The following ERBB4 variants were observed in gnomAD, a reference collection of about 807,000 sequenced individuals.
ERBB4 encodes receptor tyrosine-protein kinase erbB-4.
ERBB4 carries 42 observed loss-of-function variants against 158.0 expected under a neutral mutation model. That is an observed-to-expected ratio of 0.27 (90% CI 0.21 to 0.34). The LOEUF is 0.34. Ranked by LOEUF, ERBB4 falls within the 10% of genes least tolerant of loss-of-function variation. The pLI is 1.00. For synonymous variants in ERBB4, 583 were observed against 558.7 expected (o/e 1.04, Z -0.61); for missense variants, 1,333 against 1,624.1 (o/e 0.82, Z 3.08).
intron 2 of ERBB4, among the ~76,000 whole-genome samples, chr2:212,107,084 C>T (rs1405554124): frequency 6.6e-6 from 1 of 152,198 alleles, no homozygotes; most frequent in Admixed American, 6.5e-5. Flanking sequence ...TGGGGTGCTG[C>T]CTAGTTATGA....
intron 1 of ERBB4, among the ~76,000 whole-genome samples, chr2:212,140,362 T>C (rs554342123): frequency 1.7e-5 from 2 of 120,670 alleles, no homozygotes; most frequent in African/African-American, 9.7e-5. Context: ...ATATAATATA[T>C]ATAGTAATAT....
At position 211,376,198 on chromosome 2, in the gene ERBB4, C is replaced by G. The variant is rs1176426437; in HGVS notation, c.*7417G>C. On this transcript the variant is annotated 3_prime_UTR_variant, in exon 28 of 28. Coordinates refer to ENST00000342788, the MANE Select transcript of ERBB4 (RefSeq NM_005235.3). ...AAGCGAGTGCAGAGGTTGAACACAT[C>G]ACAATAGTGCTGAACACAGAATCAC... 4.3e-6 allele frequency: 1 copy of G among 233,008 alleles called. No individual in the cohort carries two copies. Among genetic ancestry groups the G allele is most frequent in the Non-Finnish European group, 8.5e-6 (1 of 117,746 alleles). 14.4% of individuals were successfully genotyped at this position (233,008 alleles called of 1,614,324 possible). A position where few individuals can be genotyped will look rare whatever the true frequency, so the allele number is the denominator to read the frequency against.
At chr2:211,686,427 C>A (rs1049497606) in intron 12 of ERBB4, among the ~76,000 whole-genome samples, 1 of 152,074 alleles carries the variant, frequency 6.6e-6, no homozygotes. Context: ...TTGTGCCAAT[C>A]GTATATCCCT....
intron 3 of ERBB4, among the ~76,000 whole-genome samples, chr2:211,883,552 A>C (rs61641854): frequency 0.14 from 21,630 of 152,120 alleles, 1,899 homozygotes; most frequent in African/African-American, 0.24. Context: ...CCGAGGCGTG[A>C]AGATTGCTTG....
intron 2 of ERBB4, among the ~76,000 whole-genome samples, chr2:212,121,569 C>T (rs1403956320): frequency 1.3e-5 from 2 of 152,108 alleles, no homozygotes; most frequent in East Asian, 3.9e-4. Context: ...CATTGACTAC[C>T]TTATCCAATT....
intron 1 of ERBB4, among the ~76,000 whole-genome samples, chr2:212,366,201 T>A (rs967636323): frequency 6.6e-6 from 1 of 151,954 alleles, no homozygotes; most frequent in Admixed American, 6.6e-5. Context: ...TATTAGAGTA[T>A]GTTCTGTGAT....
intron 2 of ERBB4, among the ~76,000 whole-genome samples, chr2:212,119,956 C>T (rs985733437): frequency 1.6e-4 from 24 of 152,118 alleles, no homozygotes; most frequent in African/African-American, 3.4e-4. Context: ...TCTCAGGAGA[C>T]GTACTAGACA....
intron 1 of ERBB4, among the ~76,000 whole-genome samples, chr2:212,331,096 CACTT>C (rs971810364): frequency 1.1e-4 from 5 of 44,370 alleles, no homozygotes; most frequent in African/African-American, 2.2e-4. Flanking sequence ...ATGCCCATAA[CACTT>C]AATCAGTATA....
chr2:211,570,417 T>C (rs1217588038), intron 19 of ERBB4, among the ~76,000 whole-genome samples: 1 of 149,470 alleles, frequency 6.7e-6, no homozygotes, highest in African/African-American at 2.5e-5. Flanking sequence ...CCACCCACCT[T>C]GGCCCCCCAA....
intron 20 of ERBB4, among the ~76,000 whole-genome samples, chr2:211,515,917 T>A (rs1191596973): frequency 0.032 from 3,826 of 120,352 alleles, 258 homozygotes; most frequent in African/African-American, 0.13. Context: ...TATATATTTT[T>A]TTTTTTTTTT....
At chr2:211,916,242 C>T (rs1042748844) in intron 3 of ERBB4, among the ~76,000 whole-genome samples, 7 of 151,858 alleles carry the variant, frequency 4.6e-5, no homozygotes, top group Non-Finnish European at 5.9e-5. Flanking sequence ...TGTGGTGGTG[C>T]GGTATCAGCT....
At position 212,251,280 on chromosome 2, in the gene ERBB4, A is replaced by T. The variant is rs143034178; in HGVS notation, c.83-126377T>A. Among the ~76,000 whole-genome samples the T allele has an allele frequency of 1.8e-3, 279 of 152,162 alleles. 1 individual carries two copies. The highest frequency in any genetic ancestry group is 3.9e-3 in the East Asian group (20 of 5,186). On this transcript the variant is annotated intron_variant, in intron 1 of 27. Coordinates refer to ENST00000342788, the MANE Select transcript of ERBB4 (RefSeq NM_005235.3). ...TGCCATATTAGTCTAAGAAGTTAAA[A>T]GCATCCAGCATGTATACATTCATTT... is the stretch of plus-strand genomic sequence containing the variant.
intron 5 of ERBB4, among the ~76,000 whole-genome samples, chr2:211,729,836 C>G (rs1402010199): frequency 6.6e-6 from 1 of 151,764 alleles, no homozygotes; most frequent in Non-Finnish European, 1.5e-5. Context: ...TATTTAGTTT[C>G]CTTTCTAAAT....
chr2:211,877,886 T>C (rs914194608), intron 3 of ERBB4, among the ~76,000 whole-genome samples: 1 of 152,098 alleles, frequency 6.6e-6, no homozygotes, highest in African/African-American at 2.4e-5. Flanking sequence ...GGCGGGCGGG[T>C]CACCTGAGGT....
chr2:212,052,496 T>A (rs191392955), intron 2 of ERBB4, among the ~76,000 whole-genome samples: 89 of 152,338 alleles, frequency 5.8e-4, no homozygotes, highest in African/African-American at 2.1e-3. Context: ...TAGAGAACCA[T>A]GACTAATACA....
intron 25 of ERBB4, among the ~76,000 whole-genome samples, chr2:211,408,306 A>G (rs1218170553): frequency 3.9e-5 from 6 of 152,218 alleles, no homozygotes; most frequent in Non-Finnish European, 8.8e-5. Context: ...ACTAAAAATT[A>G]ACCATCTAAA....
chr2:211,942,177 A>G (rs2080518542), intron 3 of ERBB4, among the ~76,000 whole-genome samples: 1 of 152,102 alleles, frequency 6.6e-6, no homozygotes, highest in Admixed American at 6.6e-5. Flanking sequence ...GAGGCTTGAG[A>G]GACTTAAATG....
intron 2 of ERBB4, among the ~76,000 whole-genome samples, chr2:211,969,346 CA>C (rs1253266270): frequency 6.6e-6 from 1 of 151,988 alleles, no homozygotes; most frequent in Non-Finnish European, 1.5e-5. Context: ...AAAAACGTTC[CA>C]AGTTCTTCAA....
chr2:211,828,414 G>A (rs1028380948), intron 3 of ERBB4, among the ~76,000 whole-genome samples: 1 of 152,038 alleles, frequency 6.6e-6, no homozygotes, highest in African/African-American at 2.4e-5. Flanking sequence ...TTTTCTTCCA[G>A]AGCCTGTGGC....
Sources: gnomAD v4.1 joint callset for allele counts (sites outside exome capture counted in the v4.1 genomes callset) on GRCh38, gnomAD v4.1.1 for gene constraint, MANE v1.5 for transcripts, NCBI Gene and HGNC (gene_info 2026-07-23, HGNC 2026-07-21) for gene names.